Variants in MRPS28 observed in about 807,000 individuals in gnomAD.
MRPS28 encodes the protein mitochondrial ribosomal protein S28.
MRPS28 carries 7 observed loss-of-function variants against 10.8 expected under a neutral mutation model. The observed-to-expected ratio is 0.65, with a 90% CI of 0.37 to 1.22. The LOEUF is 1.22. Among genes scored for constraint, MRPS28 ranks in the 50% most tolerant of loss-of-function variants. The pLI, the probability that MRPS28 is intolerant of heterozygous loss-of-function variation, is 0.02. For missense variants in MRPS28, 265 were observed against 232.9 expected, an observed-to-expected ratio of 1.14 and a Z score of -0.90; for synonymous variants, 121 against 93.3, an observed-to-expected ratio of 1.30 and a Z score of -1.71.
At chr8:79,948,004 TTG>T in intron 2 of MRPS28, among the ~76,000 whole-genome samples, 1 of 150,022 alleles carries the variant, frequency 6.7e-6, no homozygotes, top group African/African-American at 2.4e-5. Flanking sequence ...TTTTTTTTTT[TTG>T]AGATGGAGTC....
At position 79,987,741 on chromosome 8, in the gene MRPS28, G is replaced by A. The variant is rs185668970; in HGVS notation, c.395+15258C>T. ...ACCACAATGAGATACCATCTCACAC[G>A]AGTTAGAATGGCAATCATTAAAAAG... On this transcript the variant is annotated intron_variant, in intron 2 of 2. Transcript: ENST00000276585. Among the ~76,000 whole-genome samples, 6 of 152,220 alleles carry A rather than the reference G, an allele frequency of 3.9e-5. No individual in the cohort carries two copies. In the South Asian group the frequency reaches 6.2e-4, roughly 16 times the overall value.
chr8:79,919,270 G>T, intron 2 of MRPS28, 122 bp from the exon 3 acceptor site: 2 of 670,652 alleles, frequency 3.0e-6, no homozygotes, highest in Non-Finnish European at 2.2e-6. Context: ...GTTAACACTG[G>T]TATCTTAGAA....
intron 2 of MRPS28, among the ~76,000 whole-genome samples, chr8:79,985,941 C>T (rs1241841339): frequency 6.6e-6 from 1 of 152,052 alleles, no homozygotes; most frequent in Non-Finnish European, 1.5e-5. Context: ...CCAGCATCAT[C>T]CTGATACCAA....
chr8:80,021,432 T>C (rs894983489), intron 1 of MRPS28, among the ~76,000 whole-genome samples: 4 of 152,128 alleles, frequency 2.6e-5, no homozygotes, highest in Non-Finnish European at 4.4e-5. Context: ...TTATGCTAGA[T>C]AGGGAAAAAC....
At chr8:79,931,540 A>C (rs59618783) in intron 2 of MRPS28, among the ~76,000 whole-genome samples, 1 of 152,168 alleles carries the variant, frequency 6.6e-6, no homozygotes, top group Non-Finnish European at 1.5e-5. Flanking sequence ...TAGGCAAGGT[A>C]TTCAGCTCCT....
intron 2 of MRPS28, among the ~76,000 whole-genome samples, chr8:79,970,600 A>G (rs1807607578): frequency 6.6e-6 from 1 of 152,186 alleles, no homozygotes; most frequent in Non-Finnish European, 1.5e-5. Flanking sequence ...TGTTTACAGA[A>G]CTTGGGCTCC....
At chr8:80,011,296 C>T (rs954475845) in intron 1 of MRPS28, among the ~76,000 whole-genome samples, 4 of 151,918 alleles carry the variant, frequency 2.6e-5, no homozygotes, top group Non-Finnish European at 5.9e-5. Flanking sequence ...TGCTTGTAAC[C>T]AGGGCAGGTC....
chr8:80,000,046 C>T (rs1808618943), intron 2 of MRPS28, among the ~76,000 whole-genome samples: 1 of 152,120 alleles, frequency 6.6e-6, no homozygotes, highest in Non-Finnish European at 1.5e-5. Context: ...CTATCTATGC[C>T]TCCTTCCCCC....
intron 2 of MRPS28, among the ~76,000 whole-genome samples, chr8:79,995,578 G>A (rs754397763): frequency 2.0e-5 from 3 of 152,122 alleles, no homozygotes; most frequent in Non-Finnish European, 2.9e-5. Context: ...TCTGATATGT[G>A]ACAATCCCTA....
intron 2 of MRPS28, among the ~76,000 whole-genome samples, chr8:79,986,275 C>G (rs1321299768): frequency 6.6e-6 from 1 of 152,164 alleles, no homozygotes. Flanking sequence ...GGATGTATCT[C>G]AAAATAATAA....
intron 2 of MRPS28, among the ~76,000 whole-genome samples, chr8:79,938,801 T>C (rs146176041): frequency 2.9e-4 from 44 of 152,310 alleles, no homozygotes; most frequent in Middle Eastern, 3.4e-3. Flanking sequence ...AGTTGGACTA[T>C]AGGTTCAGTT....
At chr8:79,970,943 G>A (rs1286548502) in intron 2 of MRPS28, among the ~76,000 whole-genome samples, 1 of 152,192 alleles carries the variant, frequency 6.6e-6, no homozygotes. Context: ...TTTGGGCTAA[G>A]AAATTAGGTG....
chr8:79,979,413 T>C (rs1317860960), intron 2 of MRPS28, among the ~76,000 whole-genome samples: 1 of 152,204 alleles, frequency 6.6e-6, no homozygotes, highest in African/African-American at 2.4e-5. Context: ...AGAAGCTAGA[T>C]ATGTTGTATA....
chr8:79,991,909 GCTCTCTCTCTCTCTCTCTCT>G (rs33936648), intron 2 of MRPS28, among the ~76,000 whole-genome samples: 70,684 of 133,180 alleles, frequency 0.53, 19,488 homozygotes, highest in Middle Eastern at 0.69. Flanking sequence ...CTTCCTCCTT[GCTCTCTCTCTCTCTCTCTCT>G]CTCTCTCTCT....
intron 1 of MRPS28, among the ~76,000 whole-genome samples, chr8:80,015,799 A>G (rs1162223779): frequency 6.6e-6 from 1 of 152,230 alleles, no homozygotes; most frequent in African/African-American, 2.4e-5. Context: ...AAGAAATAAG[A>G]TGTAAGAACA....
chr8:79,979,735 A>G (rs1204316937), intron 2 of MRPS28, among the ~76,000 whole-genome samples: 2 of 151,536 alleles, frequency 1.3e-5, no homozygotes, highest in African/African-American at 4.9e-5. Context: ...TGCCCTCCCC[A>G]ATCTCTTCCT....
intron 2 of MRPS28, among the ~76,000 whole-genome samples, chr8:79,943,081 G>A (rs1048486827): frequency 1.3e-5 from 2 of 152,154 alleles, no homozygotes; most frequent in African/African-American, 4.8e-5. Flanking sequence ...AAGTTTTGTT[G>A]TTAATACCAA....
In MRPS28 at chr8:80,000,985, T is replaced by C. The variant is rs147293297; in HGVS notation, c.395+2014A>G. Among the ~76,000 whole-genome samples, 997 of 152,256 alleles carry C rather than the reference T, an allele frequency of 6.5e-3. 10 individuals carry two copies. Among genetic ancestry groups the C allele is most frequent in the African/African-American group, 0.022 (933 of 41,544 alleles). The stretch of plus-strand genomic sequence containing the variant: ...ATATCCCCAAAGAAATAAATATCCA[T>C]GAAAGAGATATGATTAACGGAATTC... On this transcript the variant is annotated intron_variant, in intron 2 of 2. Transcript: ENST00000276585.
chr8:79,963,782 T>C (rs1484867610), intron 2 of MRPS28, among the ~76,000 whole-genome samples: 1 of 152,010 alleles, frequency 6.6e-6, no homozygotes, highest in Non-Finnish European at 1.5e-5. Context: ...CACAGCTCAG[T>C]GGGGGCTAAA....
Sources: allele counts gnomAD v4.1 joint callset (sites outside exome capture counted in the v4.1 genomes callset), GRCh38; gene constraint gnomAD v4.1.1; transcripts MANE v1.5; gene names NCBI Gene and HGNC (gene_info 2026-07-23, HGNC 2026-07-21).